The following FAR1 variants were observed in gnomAD, a reference collection of about 807,000 sequenced individuals.
FAR1 encodes male sterility domain-containing protein 2.
In FAR1, 22 loss-of-function variants were observed where a neutral mutation model predicts 61.1. The ratio of observed to expected loss-of-function variants is 0.36; its 90% CI spans 0.26 to 0.51. The LOEUF (loss-of-function observed/expected upper bound fraction) is 0.51, where lower values mean the gene tolerates loss of function less well. Ranked by LOEUF, FAR1 falls within the 20% of genes least tolerant of loss-of-function variation. FAR1 has a pLI of 0.95. For synonymous variants in FAR1, 206 were observed against 209.7 expected (o/e 0.98, Z 0.15); for missense variants, 359 against 626.9 (o/e 0.57, Z 4.56).
intron 1 of FAR1, among the ~76,000 whole-genome samples, chr11:13,684,420 G>A (rs1221452165): frequency 6.6e-6 from 1 of 152,212 alleles, no homozygotes; most frequent in Non-Finnish European, 1.5e-5. Context: ...AAGGGAAGAT[G>A]CATAAGGAAA....
At chr11:13,709,926 A>G (rs1215424542) in intron 4 of FAR1, among the ~76,000 whole-genome samples, 1 of 152,062 alleles carries the variant, frequency 6.6e-6, no homozygotes, top group Non-Finnish European at 1.5e-5. Flanking sequence ...TTTAGGAAAA[A>G]CCATGGACAC....
At chr11:13,673,504 A>G (rs1030811429) in intron 1 of FAR1, among the ~76,000 whole-genome samples, 6 of 152,204 alleles carry the variant, frequency 3.9e-5, no homozygotes, top group South Asian at 2.1e-4. Context: ...TCTAACTCCA[A>G]AACTCCATGC....
chr11:13,696,448 G>C (rs1390529895), intron 2 of FAR1, among the ~76,000 whole-genome samples: 1 of 152,118 alleles, frequency 6.6e-6, no homozygotes, highest in Non-Finnish European at 1.5e-5. Flanking sequence ...TTGAGGGTCT[G>C]AGTAAAACAT....
intron 3 of FAR1, 31 bp downstream of exon 3, chr11:13,700,523 C>T (rs992203495): frequency 7.7e-7 from 1 of 1,295,060 alleles, no homozygotes; most frequent in East Asian, 2.7e-5. Flanking sequence ...AATATTTGAA[C>T]TTCAGTATAG....
intron 10 of FAR1, among the ~76,000 whole-genome samples, chr11:13,724,091 G>T (rs1848643201): frequency 6.6e-6 from 1 of 152,138 alleles, no homozygotes; most frequent in Non-Finnish European, 1.5e-5. Flanking sequence ...ATTTCTGTGA[G>T]AATTTTTTTG....
At chr11:13,724,549 CAAAAAAAAAA>C (rs35925620) in intron 10 of FAR1, among the ~76,000 whole-genome samples, 1 of 103,400 alleles carries the variant, frequency 9.7e-6, no homozygotes, top group African/African-American at 3.8e-5. Flanking sequence ...GACTCCGCCT[CAAAAAAAAAA>C]AAAAAAAAAA....
At chr11:13,669,498 A>C (rs1049260224) in intron 1 of FAR1, 2 of 152,262 alleles carry the variant, frequency 1.3e-5, no homozygotes, top group African/African-American at 4.8e-5. Flanking sequence ...ACTAGAAGGC[A>C]TTAGTTGGTC....
At chr11:13,725,175 A>T (rs764458708) in intron 10 of FAR1, among the ~76,000 whole-genome samples, 20 of 152,296 alleles carry the variant, frequency 1.3e-4, no homozygotes, top group South Asian at 1.2e-3. Flanking sequence ...CTATATGTAC[A>T]CATTTGTGTA....
In FAR1 at chr11:13,729,629, G is replaced by C. The variant is rs1848702688; in HGVS notation, c.*855G>C. ...ATTTCTTGAGATTTGATGGAAGTGG[G>C]AGTTGGGAAGGATTCACCATACTTG... On this transcript the variant is annotated 3_prime_UTR_variant, in exon 12 of 12. Coordinates refer to ENST00000354817, the MANE Select transcript of FAR1 (RefSeq NM_032228.6). 1 of 151,928 alleles carries C rather than the reference G, an allele frequency of 6.6e-6. No homozygotes were observed. The highest frequency in any genetic ancestry group is 2.4e-5 in the African/African-American group (1 of 41,420). The allele number at this position is 151,928 out of a possible 1,614,324, so 9.4% of individuals were successfully genotyped here. A position where few individuals can be genotyped will look rare whatever the true frequency, so the allele number is the denominator to read the frequency against.
chr11:13,678,266 A>T (rs377296994), intron 1 of FAR1, among the ~76,000 whole-genome samples: 1 of 151,636 alleles, frequency 6.6e-6, no homozygotes, highest in African/African-American at 2.4e-5. Context: ...AAGGAAGGTC[A>T]TGTTTTCTTT....
At chr11:13,691,293 G>A (rs1283172856) in intron 1 of FAR1, among the ~76,000 whole-genome samples, 1 of 152,208 alleles carries the variant, frequency 6.6e-6, no homozygotes, top group African/African-American at 2.4e-5. Context: ...TAATCCCATT[G>A]ATGAGGAAGG....
chr11:13,705,686 T>C (rs1161919752), intron 3 of FAR1, among the ~76,000 whole-genome samples: 1 of 152,078 alleles, frequency 6.6e-6, no homozygotes, highest in East Asian at 1.9e-4. Flanking sequence ...GAAAAAAAAA[T>C]GCATCCATGA....
In FAR1 at chr11:13,700,422, G is replaced by C. The variant is rs1437040829; in HGVS notation, c.295G>C (p.Glu99Gln). The C allele has an allele frequency of 1.9e-6, 3 of 1,597,372 alleles. No homozygotes were observed. Among genetic ancestry groups the C allele is most frequent in the Non-Finnish European group, 1.7e-6 (2 of 1,174,004 alleles). Reference protein sequence around the residue: ...PKLALSEEDKEVIIDSTNIIF... With the variant: ...PKLALSEEDKQVIIDSTNIIF... ...ACTGGCTCTCAGTGAAGAAGATAAAGAGGTGATCATAGATTCTACCAATAT... is the reference window on the plus strand; with the variant it reads ...ACTGGCTCTCAGTGAAGAAGATAAACAGGTGATCATAGATTCTACCAATAT... The change falls in exon 3 of 12, where the codon GAG becomes CAG. Residue 99 changes from glutamate (E) to glutamine (Q), a missense_variant. By Grantham distance (29) the Glu-to-Gln change is conservative (BLOSUM62 2). Around this residue, in one of 2 missense-constraint regions of FAR1, gnomAD observed 344 missense variants for 570.3 expected, o/e 0.60. Coordinates refer to ENST00000354817, the MANE Select transcript of FAR1 (RefSeq NM_032228.6).
intron 1 of FAR1, among the ~76,000 whole-genome samples, chr11:13,674,935 G>A (rs980707755): frequency 2.6e-5 from 4 of 151,986 alleles, no homozygotes; most frequent in African/African-American, 4.8e-5. Flanking sequence ...TTGTATTATG[G>A]AAAATTGACA....
Position 13,684,022 on chromosome 11 carries a change from C to A in FAR1, c.-7-10737C>A, listed in dbSNP as rs936790534. Among the ~76,000 whole-genome samples the A allele has an allele frequency of 4.6e-5, 7 of 152,106 alleles. 1 individual carries two copies. Among genetic ancestry groups the A allele is most frequent in the Admixed American group, 4.6e-4 (7 of 15,268 alleles). On this transcript the variant is annotated intron_variant, in intron 1 of 11. Coordinates refer to ENST00000354817, the MANE Select transcript of FAR1 (RefSeq NM_032228.6). ...CTGCAGTACTATATTGTGTATTGTA[C>A]TATATTTGTATATTCTATGTACTTT... is the stretch of plus-strand genomic sequence containing the variant.
chr11:13,670,714 G>GTTTT (rs58418636), intron 1 of FAR1, among the ~76,000 whole-genome samples: 1 of 136,700 alleles, frequency 7.3e-6, no homozygotes, highest in Non-Finnish European at 1.6e-5. Context: ...TAGCTTGAGG[G>GTTTT]TTTTTTTTTT....
chr11:13,723,079 CTTT>C (rs772081737), intron 10 of FAR1, among the ~76,000 whole-genome samples: 2 of 151,936 alleles, frequency 1.3e-5, no homozygotes, highest in African/African-American at 2.4e-5. Context: ...CGTTAAAGAA[CTTT>C]TTTGCTGGTC....
In FAR1 at chr11:13,711,759, A is replaced by T. The variant is rs762434255; in HGVS notation, c.724-5A>T. Reference sequence around the variant, plus strand: ...TTCTCTCCCTTTTAAAATTTTTGGTATTAGGGATGGATTGATAACTTTAAT... The same window carrying T: ...TTCTCTCCCTTTTAAAATTTTTGGTTTTAGGGATGGATTGATAACTTTAAT... On this transcript the variant is annotated splice_polypyrimidine_tract_variant and splice_region_variant and intron_variant, in intron 5 of 11. Transcript: ENST00000354817. 1 of 1,591,764 alleles carries T rather than the reference A, an allele frequency of 6.3e-7. No individual in the cohort carries two copies. The highest frequency in any genetic ancestry group is 1.8e-5 in the Admixed American group (1 of 56,568).
chr11:13,696,207 C>A (rs1478238169), intron 2 of FAR1, among the ~76,000 whole-genome samples: 3 of 152,138 alleles, frequency 2.0e-5, no homozygotes, highest in African/African-American at 7.2e-5. Context: ...CCTGATACTC[C>A]TCTCCCCCCA....
Sources: gnomAD v4.1 joint callset for allele counts (sites outside exome capture counted in the v4.1 genomes callset) on GRCh38, gnomAD v4.1.1 for gene constraint, gnomAD v4.1.1 regional missense constraint, MANE v1.5 for transcripts, NCBI Gene and HGNC (gene_info 2026-07-23, HGNC 2026-07-21) for gene names.